Variants in PEX5L observed in about 807,000 individuals in gnomAD.
The protein encoded by PEX5L is peroxisomal biogenesis factor 5 like.
A neutral mutation model predicts 84.0 loss-of-function variants in PEX5L; 30 were observed. The observed-to-expected ratio is 0.36, with a 90% CI of 0.27 to 0.48. PEX5L has a LOEUF of 0.48. PEX5L is among the 20% of genes least tolerant of loss of function. The pLI, the probability that PEX5L is intolerant of heterozygous loss-of-function variation, is 0.99. For synonymous variants in PEX5L, 270 were observed against 283.1 expected (o/e 0.95, Z 0.46); for missense variants, 533 against 754.6 (o/e 0.71, Z 3.44).
At chr3:179,854,186 GATCCTCACCCAT>G (rs1000929303) in intron 8 of PEX5L, among the ~76,000 whole-genome samples, 2 of 151,446 alleles carry the variant, frequency 1.3e-5, no homozygotes, top group African/African-American at 4.8e-5. Context: ...TGGAGGAAAA[GATCCTCACCCAT>G]ATAAGGCTTA....
In PEX5L at chr3:179,842,891, A is replaced by G. The variant is rs145477582; in HGVS notation, c.822+16171T>C. On this transcript the variant is annotated intron_variant, in intron 8 of 14. Transcript: ENST00000467460. ...ACTTGGAAAGGGACTTGTTAGGTAAAGATTTGGCAATGACAGAATTTAGTT... is the reference window on the plus strand; with the variant it reads ...ACTTGGAAAGGGACTTGTTAGGTAAGGATTTGGCAATGACAGAATTTAGTT... Among the ~76,000 whole-genome samples, 691 of 152,222 alleles carry G rather than the reference A, an allele frequency of 4.5e-3. 7 individuals are homozygous for G. Among genetic ancestry groups the G allele is most frequent in the African/African-American group, 0.016 (654 of 41,508 alleles).
intron 8 of PEX5L, among the ~76,000 whole-genome samples, chr3:179,857,959 T>G (rs1177513782): frequency 6.6e-6 from 1 of 152,174 alleles, no homozygotes; most frequent in African/African-American, 2.4e-5. Context: ...TTTGGGTAGA[T>G]GGTATTGTGG....
At chr3:179,832,505 C>T (rs2109177869) in intron 8 of PEX5L, among the ~76,000 whole-genome samples, 1 of 150,060 alleles carries the variant, frequency 6.7e-6, no homozygotes, top group East Asian at 2.0e-4. Context: ...CTTACCCACC[C>T]CCTCACCTAC....
intron 3 of PEX5L, among the ~76,000 whole-genome samples, chr3:179,888,555 T>C (rs1352093728): frequency 6.6e-6 from 1 of 152,110 alleles, no homozygotes; most frequent in Non-Finnish European, 1.5e-5. Context: ...ATTCTGCACC[T>C]CTTTGAATCC....
intron 8 of PEX5L, among the ~76,000 whole-genome samples, chr3:179,857,049 C>T (rs1254468739): frequency 1.3e-5 from 2 of 152,118 alleles, no homozygotes; most frequent in Non-Finnish European, 2.9e-5. Context: ...CGTAAACAGC[C>T]AGTATGGTTT....
chr3:179,871,888 C>T (rs992300097), intron 7 of PEX5L, among the ~76,000 whole-genome samples: 9 of 152,046 alleles, frequency 5.9e-5, no homozygotes, highest in Admixed American at 4.6e-4. Flanking sequence ...TAACGTTTTT[C>T]TTTTCTTTCT....
intron 2 of PEX5L, among the ~76,000 whole-genome samples, chr3:179,964,600 A>T (rs926194578): frequency 1.3e-5 from 2 of 152,202 alleles, no homozygotes; most frequent in Non-Finnish European, 2.9e-5. Context: ...ACAAATTCAC[A>T]AGCAAAAACC....
intron 8 of PEX5L, 119 bp from the exon 9 acceptor site, chr3:179,820,095 A>G: frequency 1.4e-6 from 2 of 1,426,090 alleles, no homozygotes; most frequent in Non-Finnish European, 1.9e-6. Context: ...GGCTGATGAC[A>G]TCCAACTGAT....
chr3:179,993,648 C>T (rs538246449), intron 1 of PEX5L, among the ~76,000 whole-genome samples: 35 of 152,110 alleles, frequency 2.3e-4, no homozygotes, highest in African/African-American at 8.2e-4. Context: ...TACAGGCACA[C>T]ACCACCACAC....
chr3:179,804,319 ATGTT>A, intron 14 of PEX5L: 1 of 152,172 alleles, frequency 6.6e-6, no homozygotes, highest in African/African-American at 2.4e-5. Flanking sequence ...ATAATTTTAA[ATGTT>A]TGTGTATATT....
At chr3:180,036,527 G>T in intron 1 of PEX5L, 52 bp downstream of exon 1, 2 of 1,564,232 alleles carry the variant, frequency 1.3e-6, no homozygotes, top group Non-Finnish European at 1.8e-6. Context: ...GAACCGCCTT[G>T]CTCTTAAATT....
chr3:179,862,236 A>C (rs936691140), intron 7 of PEX5L, among the ~76,000 whole-genome samples: 3 of 152,132 alleles, frequency 2.0e-5, no homozygotes, highest in African/African-American at 7.2e-5. Flanking sequence ...TTTAGGGCCC[A>C]CCCAAATAGT....
At position 179,797,601 on chromosome 3, in the gene PEX5L, A is replaced by AT. The variant is rs1467137354; in HGVS notation, c.*4226_*4227insA. Reference sequence around the variant, plus strand: ...TATGAACACTCTTTAAAAAAAAAAAAAAAAATATATATATATATATATATA... The same window carrying AT: ...TATGAACACTCTTTAAAAAAAAAAAATAAAAATATATATATATATATATATA... On this transcript the variant is annotated 3_prime_UTR_variant, in exon 15 of 15. Transcript: ENST00000467460. 117 of 107,054 alleles carry AT rather than the reference A, an allele frequency of 1.1e-3. 1 individual carries two copies. The highest frequency in any genetic ancestry group is 2.3e-3 in the South Asian group (8 of 3,424). The allele number at this position is 107,054 out of a possible 1,614,324, so 6.6% of individuals were successfully genotyped here. A position where few individuals can be genotyped will look rare whatever the true frequency, so the allele number is the denominator to read the frequency against.
chr3:179,844,881 G>C (rs1193223605), intron 8 of PEX5L, among the ~76,000 whole-genome samples: 1 of 152,172 alleles, frequency 6.6e-6, no homozygotes, highest in Non-Finnish European at 1.5e-5. Flanking sequence ...TCTTTCTCCA[G>C]TGTGTTCTTT....
At chr3:179,924,885 T>C (rs1167380504) in intron 2 of PEX5L, among the ~76,000 whole-genome samples, 1 of 152,202 alleles carries the variant, frequency 6.6e-6, no homozygotes, top group African/African-American at 2.4e-5. Context: ...TAAAAAGTAC[T>C]GCAAAGCACT....
chr3:179,953,512 C>T (rs941972015), intron 2 of PEX5L, among the ~76,000 whole-genome samples: 3 of 152,144 alleles, frequency 2.0e-5, no homozygotes, highest in African/African-American at 7.2e-5. Flanking sequence ...AAATCTATTG[C>T]ATGCAGGTGT....
At position 179,811,853 on chromosome 3, in the gene PEX5L, T is replaced by C. The variant is rs1208219978; in HGVS notation, c.1102A>G (p.Ile368Val). Reference protein sequence around the residue: ...GDAEAWQFLGITQAENENEQA... With the variant: ...GDAEAWQFLGVTQAENENEQA... Reference sequence around the variant, plus strand: ...TCATTTTCATTCTCCGCCTGGGTTATCCCGAGGAACTGCCATGCCTACGAA... The same window carrying C: ...TCATTTTCATTCTCCGCCTGGGTTACCCCGAGGAACTGCCATGCCTACGAA... The change falls in exon 11 of 15, where the codon ATA becomes GTA. Residue 368 changes from isoleucine (I) to valine (V), a missense_variant. Physicochemically the swap from Ile to Val is conservative, Grantham distance 29. Transcript: ENST00000467460. 3 of 1,613,812 alleles carry C rather than the reference T, an allele frequency of 1.9e-6. No individual in the cohort carries two copies. The African/African-American group carries it at 4.0e-5, about 22-fold the overall frequency.
chr3:179,941,665 G>A (rs1195077592), intron 2 of PEX5L, among the ~76,000 whole-genome samples: 1 of 152,136 alleles, frequency 6.6e-6, no homozygotes, highest in African/African-American at 2.4e-5. Flanking sequence ...AGAAAAGAGT[G>A]AGTAGAAAAC....
intron 8 of PEX5L, among the ~76,000 whole-genome samples, chr3:179,846,523 C>T (rs1267542891): frequency 2.6e-5 from 4 of 152,184 alleles, no homozygotes; most frequent in Non-Finnish European, 4.4e-5. Context: ...CTTTATGTGT[C>T]AACTTGACTG....
Sources: allele counts gnomAD v4.1 joint callset (sites outside exome capture counted in the v4.1 genomes callset), GRCh38; gene constraint gnomAD v4.1.1; transcripts MANE v1.5; gene names NCBI Gene and HGNC (gene_info 2026-07-23, HGNC 2026-07-21).